DST: variants seen among roughly 807,000 people sequenced by gnomAD.
The protein encoded by DST is bullous pemphigoid antigen.
Under a neutral mutation model 875.2 loss-of-function variants are expected in DST, and 253 were observed. That is an observed-to-expected ratio of 0.29 (90% CI 0.26 to 0.32). The LOEUF is 0.32. Among genes scored for constraint, DST ranks in the 10% least tolerant of loss-of-function variants. The probability of loss-of-function intolerance (pLI) is 1.00; values close to 1 mark genes in which losing one functional copy is unlikely to be tolerated. For missense variants in DST, 8,287 were observed against 9,111.6 expected, an observed-to-expected ratio of 0.91 and a Z score of 3.68; for synonymous variants, 3,124 against 3,197.1, an observed-to-expected ratio of 0.98 and a Z score of 0.77.
At chr6:56,883,394 A>G (rs1783128541) in intron 3 of DST, among the ~76,000 whole-genome samples, 1 of 152,266 alleles carries the variant, frequency 6.6e-6, no homozygotes, top group Non-Finnish European at 1.5e-5. Flanking sequence ...CAAATGTTCT[A>G]AGTAAAAAGA....
chr6:56,778,818 G>GT (rs2152987665), intron 4 of DST, among the ~76,000 whole-genome samples: 1 of 152,006 alleles, frequency 6.6e-6, no homozygotes, highest in South Asian at 2.1e-4. Flanking sequence ...AGTCTTTGCT[G>GT]TTGTGAGTAG....
At chr6:56,519,965 T>G (rs1165976030) in intron 69 of DST, among the ~76,000 whole-genome samples, 4 of 152,164 alleles carry the variant, frequency 2.6e-5, no homozygotes, top group Non-Finnish European at 5.9e-5. Context: ...CTTCAATGAG[T>G]ACTTCTGAAT....
Position 56,557,512 on chromosome 6 carries a change from T to C in DST, c.14447A>G (p.Lys4816Arg). The change falls in exon 59 of 104, where the codon AAG becomes AGG. Residue 4816 changes from lysine to arginine, a missense_variant. Around this residue, in one of 10 missense-constraint regions of DST, gnomAD observed 1,513 missense variants for 1,677.8 expected, o/e 0.90. Coordinates refer to ENST00000680361, the MANE Select transcript of DST (RefSeq NM_001374736.1). ...WKQMLTEIDS[K>R]WQELNQLTID... ...TGTTAATTGATTGAGTTCTTGCCAC[T>C]TAGAATCTAAAAGAAAAAAAATGAA... 1 of 1,606,342 alleles carries C rather than the reference T, an allele frequency of 6.2e-7. No individual in the cohort carries two copies. The highest frequency in any genetic ancestry group is 2.2e-5 in the East Asian group (1 of 44,782).
chr6:56,818,362 A>G (rs746046950), intron 4 of DST, among the ~76,000 whole-genome samples: 10 of 152,204 alleles, frequency 6.6e-5, no homozygotes, highest in Non-Finnish European at 1.0e-4. Context: ...CTGGAGGCTC[A>G]GCAAAGGAAA....
intron 10 of DST, among the ~76,000 whole-genome samples, chr6:56,667,964 C>T (rs1235718578): frequency 2.0e-5 from 3 of 151,760 alleles, no homozygotes; most frequent in Non-Finnish European, 4.4e-5. Flanking sequence ...TGGGGTCTTG[C>T]TATATTGTCT....
intron 72 of DST, among the ~76,000 whole-genome samples, chr6:56,511,918 T>C (rs2152478646): frequency 6.6e-6 from 1 of 152,198 alleles, no homozygotes; most frequent in East Asian, 1.9e-4. Flanking sequence ...ATAAGTTAGA[T>C]GCAATGCTGA....
At position 56,606,070 on chromosome 6, in the gene DST, T is replaced by G; in HGVS notation, c.8558A>C (p.Asn2853Thr). Residue 2853 changes from asparagine to threonine, a missense_variant, in exon 40 of 104, where the codon AAT becomes ACT. By Grantham distance (65) the Asn-to-Thr change is moderately conservative. Coordinates refer to ENST00000680361, the MANE Select transcript of DST (RefSeq NM_001374736.1). ...ATCCAGAAGAATCATTGTATTAATA[T>G]TTTCATTTTCATCACTGTTTTCATT... ...ILNENSDENE[N>T]INTMILLDKM... 6.2e-7 allele frequency: 1 copy of G among 1,613,004 alleles called. No homozygotes were observed. The highest frequency in any genetic ancestry group is 8.5e-7 in the Non-Finnish European group (1 of 1,179,276).
chr6:56,587,733 C>CAGA (rs1357270780), intron 49 of DST, among the ~76,000 whole-genome samples: 3 of 151,942 alleles, frequency 2.0e-5, no homozygotes, highest in African/African-American at 7.3e-5. Context: ...CTCTACAAGC[C>CAGA]AGAAGAGAGT....
intron 67 of DST, 118 bp from the exon 68 acceptor site, chr6:56,527,852 A>G: frequency 9.3e-7 from 1 of 1,072,124 alleles, no homozygotes. Context: ...ACATTTTTCT[A>G]AAGATAATCT....
chr6:56,879,247 T>C (rs1054270754), intron 3 of DST, among the ~76,000 whole-genome samples: 6 of 152,126 alleles, frequency 3.9e-5, no homozygotes, highest in Admixed American at 3.9e-4. Flanking sequence ...GGCAGGTGGA[T>C]CACAAGGTCA....
At position 56,843,578 on chromosome 6, in the gene DST, C is replaced by T. The variant is rs2099803206; in HGVS notation, c.625+7819G>A. The T allele has an allele frequency of 3.0e-6, 3 of 983,928 alleles. No homozygotes were observed. In the South Asian group the frequency reaches 1.4e-4, roughly 46 times the overall value. The allele number at this position is 983,928 out of a possible 1,614,324, so 60.9% of individuals were successfully genotyped here. On this transcript the variant is annotated intron_variant, in intron 4 of 103. Coordinates refer to ENST00000680361, the MANE Select transcript of DST (RefSeq NM_001374736.1). ...ACGAGGCGCGTGCTTCGGGCCGGGC[C>T]GAGGCCGCGGCAGCGGTGCGGGAGG...
chr6:56,485,169 G>C (rs1394590853), intron 88 of DST, 143 bp downstream of exon 88: 7 of 865,156 alleles, frequency 8.1e-6, no homozygotes, highest in Non-Finnish European at 1.2e-5. Flanking sequence ...CTGCTCAAAC[G>C]GACACATATT....
chr6:56,474,740 A>T lies in DST; in HGVS notation c.21865-738T>A, dbSNP rs1450155647. Among the ~76,000 whole-genome samples the T allele has an allele frequency of 3.3e-5, 5 of 152,018 alleles. 1 individual carries two copies. The South Asian group carries it at 8.3e-4, about 25-fold the overall frequency. Reference sequence around the variant, plus strand: ...AACTTTTCTGTGGCACATTTCACCTACATATTTGAAATATTTAAGATGGCT... The same window carrying T: ...AACTTTTCTGTGGCACATTTCACCTTCATATTTGAAATATTTAAGATGGCT... On this transcript the variant is annotated intron_variant, in intron 92 of 103. Transcript: ENST00000680361.
intron 4 of DST, among the ~76,000 whole-genome samples, chr6:56,845,463 C>T (rs2099806164): frequency 6.6e-6 from 1 of 152,216 alleles, no homozygotes. Flanking sequence ...AAGACCACAT[C>T]TCTTTTTTCT....
At chr6:56,931,552 T>G (rs529032060) in intron 2 of DST, among the ~76,000 whole-genome samples, 35 of 152,208 alleles carry the variant, frequency 2.3e-4, no homozygotes, top group Middle Eastern at 3.4e-3. Flanking sequence ...ACTGTTGGCC[T>G]GGAAAAGCTG....
intron 4 of DST, among the ~76,000 whole-genome samples, chr6:56,741,262 G>C (rs1423526748): frequency 3.3e-5 from 5 of 152,156 alleles, no homozygotes; most frequent in Non-Finnish European, 5.9e-5. Context: ...CAAAAGCACT[G>C]CTAATAACAT....
rs1293494707 is a variant in DST, at chr6:56,568,457, T to C, written c.14005+12A>G. 1 of 1,579,996 alleles carries C rather than the reference T, an allele frequency of 6.3e-7. No homozygotes were observed. Among genetic ancestry groups the C allele is most frequent in the Non-Finnish European group, 8.5e-7 (1 of 1,169,786 alleles). On this transcript the variant is annotated intron_variant, in intron 55 of 103. Coordinates refer to ENST00000680361, the MANE Select transcript of DST (RefSeq NM_001374736.1). Reference sequence around the variant, plus strand: ...TCTTAGTTTTTGCCATAAATGTAAATAAAGCTCATACCTGATTTAACTGCT... The same window carrying C: ...TCTTAGTTTTTGCCATAAATGTAAACAAAGCTCATACCTGATTTAACTGCT...
At chr6:56,702,943 T>C (rs1171687655) in intron 7 of DST, among the ~76,000 whole-genome samples, 1 of 152,120 alleles carries the variant, frequency 6.6e-6, no homozygotes, top group African/African-American at 2.4e-5. Flanking sequence ...GTAGAAACGA[T>C]GTTGATAAAT....
At chr6:56,726,599 CCA>C (rs2099459838) in intron 5 of DST, among the ~76,000 whole-genome samples, 1 of 152,160 alleles carries the variant, frequency 6.6e-6, no homozygotes, top group Admixed American at 6.5e-5. Flanking sequence ...AACTTGGACC[CCA>C]CTGGTCAACC....
Sources: gnomAD v4.1 joint callset for allele counts (sites outside exome capture counted in the v4.1 genomes callset) on GRCh38, gnomAD v4.1.1 for gene constraint, gnomAD v4.1.1 regional missense constraint, MANE v1.5 for transcripts, NCBI Gene and HGNC (gene_info 2026-07-23, HGNC 2026-07-21) for gene names.